Variants in MAP2K4 observed in about 807,000 individuals in gnomAD.
The protein encoded by MAP2K4 is dual specificity mitogen-activated protein kinase kinase 4.
In MAP2K4, 4 loss-of-function variants were observed where a neutral mutation model predicts 48.5. The observed-to-expected ratio is 0.08, with a 90% CI of 0.04 to 0.19. The LOEUF (loss-of-function observed/expected upper bound fraction) is 0.19. Among genes scored for constraint, MAP2K4 ranks in the 10% least tolerant of loss-of-function variants. The pLI, the probability that MAP2K4 is intolerant of heterozygous loss-of-function variation, is 1.00. For synonymous variants in MAP2K4, 166 were observed against 173.1 expected (o/e 0.96, Z 0.32); for missense variants, 258 against 493.3 (o/e 0.52, Z 4.52).
intron 9 of MAP2K4, among the ~76,000 whole-genome samples, chr17:12,138,819 C>T (rs1973288051): frequency 6.6e-6 from 1 of 152,162 alleles, no homozygotes; most frequent in Non-Finnish European, 1.5e-5. Context: ...TTGAAGGCCT[C>T]AGCCAACTCT....
At chr17:12,055,071 G>A (rs1567635938) in intron 2 of MAP2K4, 80 bp downstream of exon 2, 2 of 806,126 alleles carry the variant, frequency 2.5e-6, no homozygotes, top group African/African-American at 3.5e-5. Flanking sequence ...TTCCAATTAT[G>A]AGATGTCAGT....
intron 1 of MAP2K4, among the ~76,000 whole-genome samples, chr17:12,035,569 G>A (rs1201025235): frequency 7.9e-5 from 12 of 151,986 alleles, no homozygotes; most frequent in Admixed American, 7.9e-4. Context: ...AAAAATAAAG[G>A]CTTGAAATCA....
At chr17:12,047,172 T>G (rs1261254840) in intron 1 of MAP2K4, among the ~76,000 whole-genome samples, 1 of 152,174 alleles carries the variant, frequency 6.6e-6, no homozygotes. Context: ...TGTTTTTTTT[T>G]TCCTTGACAG....
At chr17:12,054,866 A>G (rs1475158829) in intron 1 of MAP2K4, 23 bp from the exon 2 acceptor site, 11 of 1,524,376 alleles carry the variant, frequency 7.2e-6, no homozygotes, top group Non-Finnish European at 1.0e-5. Context: ...TGAAACTTTT[A>G]CTTTTTATTT....
At chr17:12,056,830 GGA>G (rs1970295761) in intron 2 of MAP2K4, among the ~76,000 whole-genome samples, 1 of 152,106 alleles carries the variant, frequency 6.6e-6, no homozygotes, top group South Asian at 2.1e-4. Flanking sequence ...TTTCTGTTTA[GGA>G]TGAGTACTTG....
intron 7 of MAP2K4, chr17:12,124,918 A>C (rs1049082597): frequency 1.0e-5 from 2 of 196,016 alleles, no homozygotes. Context: ...CTCCTGATCC[A>C]CCCGCTTCGG....
intron 9 of MAP2K4, among the ~76,000 whole-genome samples, chr17:12,135,560 A>G (rs960095538): frequency 6.6e-6 from 1 of 150,664 alleles, no homozygotes; most frequent in Non-Finnish European, 1.5e-5. Context: ...AGTGCCATTT[A>G]TTTATTTAGG....
intron 10 of MAP2K4, among the ~76,000 whole-genome samples, chr17:12,140,721 A>G (rs1334278206): frequency 6.6e-6 from 1 of 152,150 alleles, no homozygotes; most frequent in African/African-American, 2.4e-5. Context: ...CTCCTGTTGT[A>G]TATAGGAGAA....
At chr17:12,076,332 C>T (rs1057043715) in intron 2 of MAP2K4, among the ~76,000 whole-genome samples, 1 of 103,598 alleles carries the variant, frequency 9.7e-6, no homozygotes, top group South Asian at 3.0e-4. Flanking sequence ...TGTGTTTAGT[C>T]TGTAGGATTT....
intron 7 of MAP2K4, among the ~76,000 whole-genome samples, chr17:12,114,045 A>G (rs1972398204): frequency 6.6e-6 from 1 of 152,204 alleles, no homozygotes. Context: ...GGACCAGCAC[A>G]CTACTAAATG....
intron 1 of MAP2K4, among the ~76,000 whole-genome samples, chr17:12,049,163 G>C (rs1431947295): frequency 6.6e-6 from 1 of 152,064 alleles, no homozygotes; most frequent in African/African-American, 2.4e-5. Flanking sequence ...ATTATTCCAG[G>C]TAATCTTTCT....
intron 3 of MAP2K4, among the ~76,000 whole-genome samples, chr17:12,088,550 A>G (rs1184770258): frequency 1.6e-5 from 1 of 63,844 alleles, no homozygotes; most frequent in Non-Finnish European, 3.8e-5. Flanking sequence ...AATTATATCT[A>G]ATATATAATA....
At chr17:12,138,191 C>G (rs1973263798) in intron 9 of MAP2K4, among the ~76,000 whole-genome samples, 1 of 151,888 alleles carries the variant, frequency 6.6e-6, no homozygotes, top group Middle Eastern at 3.2e-3. Flanking sequence ...AGACTGAGCA[C>G]TTACAATTTA....
intron 7 of MAP2K4, 131 bp from the exon 8 acceptor site, chr17:12,125,163 C>T: frequency 7.4e-6 from 5 of 676,754 alleles, no homozygotes; most frequent in Admixed American, 2.2e-5. Flanking sequence ...CTATTACTTC[C>T]ATTCTGACGC....
intron 2 of MAP2K4, among the ~76,000 whole-genome samples, chr17:12,055,779 A>G (rs577263505): frequency 6.6e-6 from 1 of 152,226 alleles, no homozygotes; most frequent in South Asian, 2.1e-4. Context: ...GGTAGAAGGT[A>G]GTGTCTTGCA....
intron 3 of MAP2K4, among the ~76,000 whole-genome samples, chr17:12,083,544 G>A (rs141559055): frequency 6.6e-6 from 1 of 152,292 alleles, no homozygotes; most frequent in African/African-American, 2.4e-5. Context: ...TAGCAGTTGG[G>A]GATGGGAGAG....
chr17:12,139,957 C>A (rs2151598883), intron 10 of MAP2K4, 73 bp downstream of exon 10: 1 of 960,616 alleles, frequency 1.0e-6, no homozygotes, highest in Non-Finnish European at 1.5e-6. Context: ...GTTCACTAAG[C>A]AAGCAGTGGG....
chr17:12,112,824 CTAAATT>C (rs761385407), intron 6 of MAP2K4, among the ~76,000 whole-genome samples: 14 of 152,134 alleles, frequency 9.2e-5, no homozygotes, highest in Non-Finnish European at 1.6e-4. Flanking sequence ...AATTTAATGC[CTAAATT>C]TCTTGTGAAA....
chr17:12,040,266 C>T (rs1291511777), intron 1 of MAP2K4, among the ~76,000 whole-genome samples: 1 of 149,062 alleles, frequency 6.7e-6, no homozygotes, highest in Non-Finnish European at 1.5e-5. Flanking sequence ...TTGTATCCAG[C>T]CAAAAAAAGA....
Sources: allele counts gnomAD v4.1 joint callset (sites outside exome capture counted in the v4.1 genomes callset), GRCh38; gene constraint gnomAD v4.1.1; transcripts MANE v1.5; gene names NCBI Gene and HGNC (gene_info 2026-07-23, HGNC 2026-07-21).